SGCD: variants seen among roughly 807,000 people sequenced by gnomAD.
SGCD encodes the protein sarcoglycan delta, also known as delta-sarcoglycan.
SGCD carries 18 observed loss-of-function variants against 36.6 expected under a neutral mutation model. The ratio of observed to expected loss-of-function variants is 0.49; its 90% CI spans 0.34 to 0.73. The LOEUF is 0.73. SGCD is among the 30% of genes least tolerant of loss of function. The probability of loss-of-function intolerance (pLI) is 0.01; values close to 1 mark genes in which losing one functional copy is unlikely to be tolerated. For missense variants in SGCD, 387 were observed against 346.7 expected, an observed-to-expected ratio of 1.12 and a Z score of -0.92; for synonymous variants, 133 against 130.6, an observed-to-expected ratio of 1.02 and a Z score of -0.12.
chr5:156,550,174 T>A (rs1190346772), intron 4 of SGCD, among the ~76,000 whole-genome samples: 1 of 152,212 alleles, frequency 6.6e-6, no homozygotes, highest in Non-Finnish European at 1.5e-5. Context: ...GATAAACATT[T>A]CACAAGGTTA....
At chr5:156,077,505 GGT>G (rs947799681) in intron 1 of SGCD, among the ~76,000 whole-genome samples, 10 of 152,222 alleles carry the variant, frequency 6.6e-5, no homozygotes, top group Non-Finnish European at 1.5e-4. Context: ...AGTCCAGGGT[GGT>G]AGAAATTTGG....
At chr5:156,335,258 G>T (rs190208178) in intron 2 of SGCD, among the ~76,000 whole-genome samples, 1 of 152,070 alleles carries the variant, frequency 6.6e-6, no homozygotes, top group Non-Finnish European at 1.5e-5. Context: ...AATATCTTCT[G>T]GTTCATCAGA....
intron 1 of SGCD, among the ~76,000 whole-genome samples, chr5:156,100,324 T>C (rs934929471): frequency 6.6e-6 from 1 of 151,968 alleles, no homozygotes; most frequent in Non-Finnish European, 1.5e-5. Flanking sequence ...TAAAGGCATA[T>C]GGTGTTTTAT....
chr5:155,757,486 C>G, the SGCD span, among the ~76,000 whole-genome samples: 1 of 152,124 alleles, frequency 6.6e-6, no homozygotes, highest in African/African-American at 2.4e-5. Context: ...AAAGACAGAA[C>G]CTTGGAGAAC....
At chr5:155,866,860 C>T (rs989614447), upstream of SGCD, among the ~76,000 whole-genome samples, 3 of 152,044 alleles carry the variant, frequency 2.0e-5, no homozygotes, top group South Asian at 2.1e-4. Flanking sequence ...CACACGCATG[C>T]GTACACAATG....
the SGCD span, among the ~76,000 whole-genome samples, chr5:155,830,607 C>A: frequency 6.6e-6 from 1 of 152,150 alleles, no homozygotes; most frequent in Non-Finnish European, 1.5e-5. Context: ...TCTCATGGAT[C>A]TAAAACAAAG....
chr5:156,479,295 C>T (rs1310305323), intron 3 of SGCD, among the ~76,000 whole-genome samples: 1 of 152,042 alleles, frequency 6.6e-6, no homozygotes, highest in African/African-American at 2.4e-5. Context: ...GGGGTTTCAA[C>T]ATGTTGGCCA....
At chr5:156,218,741 G>A (rs1764642056) in intron 3 of SGCD, among the ~76,000 whole-genome samples, 1 of 152,132 alleles carries the variant, frequency 6.6e-6, no homozygotes, top group Non-Finnish European at 1.5e-5. Flanking sequence ...ACCAGTGGGT[G>A]AAAGAAAGGC....
intron 1 of SGCD, among the ~76,000 whole-genome samples, chr5:155,951,144 G>A (rs1757539494): frequency 6.6e-6 from 1 of 152,126 alleles, no homozygotes; most frequent in South Asian, 2.1e-4. Flanking sequence ...ATTTGACACA[G>A]CTGTGTCAAA....
chr5:156,726,698 C>T (rs925947967), intron 7 of SGCD, among the ~76,000 whole-genome samples: 3 of 152,254 alleles, frequency 2.0e-5, no homozygotes, highest in South Asian at 2.1e-4. Flanking sequence ...ATGGGTTAGC[C>T]GCGCCAGGCC....
At chr5:155,829,689 C>T in the SGCD span, among the ~76,000 whole-genome samples, 6 of 152,160 alleles carry the variant, frequency 3.9e-5, no homozygotes, top group Non-Finnish European at 5.9e-5. Context: ...AATCAAGAAG[C>T]CAAAGTAGCA....
At chr5:156,167,541 G>A (rs1315734460) in intron 3 of SGCD, among the ~76,000 whole-genome samples, 3 of 152,204 alleles carry the variant, frequency 2.0e-5, no homozygotes, top group South Asian at 2.1e-4. Flanking sequence ...CCTAGGAGGC[G>A]TCTGGATCAT....
At chr5:156,495,512 A>G (rs1756143995) in intron 3 of SGCD, among the ~76,000 whole-genome samples, 1 of 152,162 alleles carries the variant, frequency 6.6e-6, no homozygotes, top group South Asian at 2.1e-4. Flanking sequence ...ATGAAAATAG[A>G]AGACAGGAGA....
At chr5:156,696,453 A>G (rs112101528) in intron 7 of SGCD, among the ~76,000 whole-genome samples, 8 of 152,304 alleles carry the variant, frequency 5.3e-5, no homozygotes, top group African/African-American at 1.4e-4. Context: ...TGCTCTGACT[A>G]TACCATGTTT....
intron 5 of SGCD, among the ~76,000 whole-genome samples, chr5:156,590,421 T>A (rs1014784910): frequency 6.6e-6 from 1 of 152,152 alleles, no homozygotes; most frequent in African/African-American, 2.4e-5. Flanking sequence ...GAGCCCATAA[T>A]CCATAAACAT....
intron 3 of SGCD, among the ~76,000 whole-genome samples, chr5:156,381,981 TTTA>T (rs762273979): frequency 2.0e-5 from 3 of 152,248 alleles, no homozygotes; most frequent in Non-Finnish European, 2.9e-5. Context: ...AATGTATGTT[TTTA>T]TTATTATCAT....
At chr5:156,452,664 T>C (rs888051165) in intron 3 of SGCD, among the ~76,000 whole-genome samples, 2 of 152,198 alleles carry the variant, frequency 1.3e-5, no homozygotes, top group African/African-American at 4.8e-5. Context: ...TTTCCTAACA[T>C]TTATTTTAAA....
In SGCD at chr5:156,270,320, T is replaced by G. The variant is rs543221578; in HGVS notation, c.-43-59214T>G. ...TAGCATGATGCCTCCAGCTTTGTTC[T>G]TTTTGCTTAGGCCTTCCTTGGCTAT... is the stretch of plus-strand genomic sequence containing the variant. On this transcript the variant is annotated intron_variant, in intron 3 of 9. Transcript: ENST00000517913. Among the ~76,000 whole-genome samples, 49 of 152,346 alleles carry G rather than the reference T, an allele frequency of 3.2e-4. No individual in the cohort carries two copies. The South Asian group carries it at 7.9e-3, about 24-fold the overall frequency.
intron 3 of SGCD, among the ~76,000 whole-genome samples, chr5:156,158,890 G>A (rs1259989580): frequency 2.0e-5 from 3 of 151,182 alleles, no homozygotes; most frequent in Non-Finnish European, 4.4e-5. Flanking sequence ...ATCTCAGTCT[G>A]TACTATAAAA....
Sources: gnomAD v4.1 joint callset for allele counts (sites outside exome capture counted in the v4.1 genomes callset) on GRCh38, gnomAD v4.1.1 for gene constraint, MANE v1.5 for transcripts, NCBI Gene and HGNC (gene_info 2026-07-23, HGNC 2026-07-21) for gene names.